Variants in CDC14B observed in about 807,000 individuals in gnomAD.
The protein encoded by CDC14B is cell division cycle 14B, also known as dual specificity protein phosphatase CDC14B.
Under a neutral mutation model 64.2 loss-of-function variants are expected in CDC14B, and 22 were observed. The ratio of observed to expected loss-of-function variants is 0.34; its 90% CI spans 0.24 to 0.49. CDC14B has a LOEUF of 0.49. CDC14B is among the 20% of genes least tolerant of loss of function. CDC14B has a pLI of 0.99. For synonymous variants in CDC14B, 191 were observed against 215.8 expected (o/e 0.89, Z 1.01); for missense variants, 498 against 629.9 (o/e 0.79, Z 2.24).
At chr9:96,508,510 T>C (rs1457410878) in intron 13 of CDC14B, among the ~76,000 whole-genome samples, 4 of 152,256 alleles carry the variant, frequency 2.6e-5, no homozygotes, top group Admixed American at 2.6e-4. Context: ...TTCTCTAATA[T>C]TCTTCTCAAG....
At chr9:96,532,172 AT>A (rs753336251) in intron 9 of CDC14B, among the ~76,000 whole-genome samples, 1 of 152,222 alleles carries the variant, frequency 6.6e-6, no homozygotes, top group African/African-American at 2.4e-5. Flanking sequence ...ATAATGGTCC[AT>A]GTATTTGCCT....
In CDC14B at chr9:96,504,718, C is replaced by G. The variant is rs552477452; in HGVS notation, c.1461-929G>C. ...AATGGCAGTAGCCAAAAATTAACAC[C>G]CAGAGGCAACGGAACAGGTGCCCAG... On this transcript the variant is annotated intron_variant, in intron 13 of 13. Transcript: ENST00000375241. 1.9e-4 allele frequency among the ~76,000 whole-genome samples: 29 copies of G among 152,266 alleles called. No homozygotes were observed. The South Asian group carries it at 4.1e-3, about 22-fold the overall frequency.
chr9:96,504,311 C>T (rs376719158), intron 13 of CDC14B, among the ~76,000 whole-genome samples: 23 of 152,098 alleles, frequency 1.5e-4, no homozygotes, highest in African/African-American at 5.3e-4. Flanking sequence ...TACCTGCCTC[C>T]GCACTCCACG....
Position 96,541,905 on chromosome 9 carries a change from A to G in CDC14B, c.498-13T>C, listed in dbSNP as rs1840113918. ...ATAGGCAGCATCTCTGAAACCCAAG[A>G]GTAATAAAATGTAGATCAGTTAATT... On this transcript the variant is annotated splice_polypyrimidine_tract_variant and intron_variant, in intron 5 of 13. Transcript: ENST00000375241. 1.3e-6 allele frequency: 2 copies of G among 1,593,486 alleles called. No homozygotes were observed. Among genetic ancestry groups the G allele is most frequent in the Non-Finnish European group, 8.6e-7 (1 of 1,164,280 alleles).
In CDC14B at chr9:96,509,729, A is replaced by G; in HGVS notation, c.1404T>C (p.Ser468=). The G allele has an allele frequency of 6.2e-7, 1 of 1,613,494 alleles. No homozygotes were observed. Among genetic ancestry groups the G allele is most frequent in the East Asian group, 2.2e-5 (1 of 44,844 alleles). The change falls in exon 13 of 14, where the codon AGT becomes AGC. Residue 468 remains serine, a synonymous_variant. Transcript: ENST00000375241. ...TGGTGGTTCTTTTAGTAATGCCTGC[A>G]CTGCCAGAAATGTTAGGTTCAGATG... ...CKTSEPNISG[S]AGITKRTTRS... is the part of the protein sequence containing the mutation.
At chr9:96,495,719 G>A (rs1413522806), downstream of CDC14B, among the ~76,000 whole-genome samples, 1 of 152,140 alleles carries the variant, frequency 6.6e-6, no homozygotes, top group Non-Finnish European at 1.5e-5. Flanking sequence ...GGCCTATGAG[G>A]GACATGCTTG....
At chr9:96,494,676 A>G (rs1314834665) in intron 13 of CDC14B, among the ~76,000 whole-genome samples, 1 of 151,944 alleles carries the variant, frequency 6.6e-6, no homozygotes, top group South Asian at 2.1e-4. Flanking sequence ...AAATCAGGGA[A>G]CCACTGCCAT....
At chr9:96,571,168 A>C (rs1844444423) in intron 1 of CDC14B, among the ~76,000 whole-genome samples, 2 of 150,966 alleles carry the variant, frequency 1.3e-5, no homozygotes, top group East Asian at 3.9e-4. Flanking sequence ...TAAAATTATA[A>C]CGAAAAAAAA....
intron 1 of CDC14B, among the ~76,000 whole-genome samples, chr9:96,597,935 CAT>C (rs1172015575): frequency 6.6e-6 from 1 of 152,136 alleles, no homozygotes; most frequent in African/African-American, 2.4e-5. Context: ...TGGAAGAAAA[CAT>C]AGAGGAACTC....
intron 1 of CDC14B, among the ~76,000 whole-genome samples, chr9:96,604,326 C>T (rs1437577735): frequency 4.0e-5 from 6 of 149,638 alleles, no homozygotes; most frequent in African/African-American, 1.2e-4. Flanking sequence ...CTTGAAAAGG[C>T]CTCGTGAAGC....
At chr9:96,600,482 G>A (rs1323937632) in intron 1 of CDC14B, among the ~76,000 whole-genome samples, 2 of 151,672 alleles carry the variant, frequency 1.3e-5, no homozygotes, top group African/African-American at 4.8e-5. Flanking sequence ...ATGGGATAAG[G>A]AGAGAGTATT....
At chr9:96,575,309 G>A (rs1209995025) in intron 1 of CDC14B, among the ~76,000 whole-genome samples, 2 of 152,126 alleles carry the variant, frequency 1.3e-5, no homozygotes, top group African/African-American at 4.8e-5. Flanking sequence ...ACCAAGCCTG[G>A]TAATTTTAAT....
intron 1 of CDC14B, among the ~76,000 whole-genome samples, chr9:96,579,804 G>A (rs1845034868): frequency 6.6e-6 from 1 of 152,092 alleles, no homozygotes; most frequent in Non-Finnish European, 1.5e-5. Flanking sequence ...TATGCATAGC[G>A]TATTCTGTCA....
At chr9:96,571,466 G>A (rs1009632474) in intron 1 of CDC14B, among the ~76,000 whole-genome samples, 7 of 152,022 alleles carry the variant, frequency 4.6e-5, no homozygotes, top group South Asian at 2.1e-4. Context: ...GAGCCACCTC[G>A]CCTGGGCTAT....
chr9:96,601,589 G>A (rs1165986126), intron 1 of CDC14B, among the ~76,000 whole-genome samples: 3 of 150,038 alleles, frequency 2.0e-5, no homozygotes, highest in Non-Finnish European at 4.4e-5. Context: ...GAGGTCAGGA[G>A]TTTGAGACCA....
In CDC14B at chr9:96,534,510, T is replaced by C. The variant is rs143071893; in HGVS notation, c.660A>G (p.Ile220Met). Residue 220 changes from isoleucine to methionine, a missense_variant, in exon 8 of 14, where the codon ATA (isoleucine) becomes ATG (methionine). Ile to Met is a conservative substitution (Grantham distance 10). Coordinates refer to ENST00000375241, the MANE Select transcript of CDC14B (RefSeq NM_033331.4). ...KAENGDLNWI[I>M]PDRFIAFCGP... ...CACAGAAGGCAATAAATCGGTCTGG[T>C]ATTATCCAATTTAAATCTCCATTTT... The C allele has an allele frequency of 5.0e-5, 81 of 1,613,556 alleles. No homozygotes were observed. In the African/African-American group the frequency reaches 8.0e-4, roughly 16 times the overall value.
chr9:96,530,272 C>A (rs1010712943), intron 9 of CDC14B, among the ~76,000 whole-genome samples: 7 of 149,674 alleles, frequency 4.7e-5, no homozygotes, highest in Admixed American at 4.7e-4. Flanking sequence ...TGTGTGTGTG[C>A]GTAATCTTGA....
chr9:96,537,138 A>C (rs1427269128), intron 7 of CDC14B, among the ~76,000 whole-genome samples: 1 of 152,012 alleles, frequency 6.6e-6, no homozygotes, highest in Non-Finnish European at 1.5e-5. Context: ...AAAAAATTAC[A>C]AAATTAGCTG....
intron 7 of CDC14B, among the ~76,000 whole-genome samples, chr9:96,536,423 T>C (rs1839276573): frequency 6.6e-6 from 1 of 152,236 alleles, no homozygotes; most frequent in Non-Finnish European, 1.5e-5. Flanking sequence ...TTCAAATGTT[T>C]AATGTTTTAA....
Sources: allele counts gnomAD v4.1 joint callset (sites outside exome capture counted in the v4.1 genomes callset), GRCh38; gene constraint gnomAD v4.1.1; transcripts MANE v1.5; gene names NCBI Gene and HGNC (gene_info 2026-07-23, HGNC 2026-07-21).